The following PCDHA7 variants were observed in gnomAD, a reference collection of about 807,000 sequenced individuals.
The protein encoded by PCDHA7 is protocadherin alpha-7.
In PCDHA7, 37 loss-of-function variants were observed where a neutral mutation model predicts 57.2. That is an observed-to-expected ratio of 0.65 (90% CI 0.50 to 0.85). The LOEUF (loss-of-function observed/expected upper bound fraction) is 0.85, where lower values mean the gene tolerates loss of function less well. Ranked by LOEUF, PCDHA7 falls within the 40% of genes least tolerant of loss-of-function variation. The pLI is 0.00. For missense variants in PCDHA7, 1,188 were observed against 1,241.8 expected (o/e 0.96, Z 0.65); for synonymous variants, 553 against 558.8 (o/e 0.99, Z 0.15).
chr5:140,929,717 A>G (rs1408315390), intron 1 of PCDHA7: 1 of 229,936 alleles, frequency 4.3e-6, no homozygotes, highest in Non-Finnish European at 9.0e-6. Flanking sequence ...ATGGAAGGTG[A>G]AACATTTACT....
chr5:140,862,997 G>T, intron 1 of PCDHA7: 1 of 549,924 alleles, frequency 1.8e-6, no homozygotes, highest in Non-Finnish European at 3.6e-6. Context: ...GCGCACGGTG[G>T]ACTCCAGCTA....
chr5:140,887,221 C>G lies in PCDHA7; in HGVS notation c.2355+50483C>G, dbSNP rs149306651. ...ACGCCATTCTCCTGCCTCAGCCTCCCGAGTAGCTGAGACTACCGGCGCCCG... is the reference window on the plus strand; with the variant it reads ...ACGCCATTCTCCTGCCTCAGCCTCCGGAGTAGCTGAGACTACCGGCGCCCG... On this transcript the variant is annotated intron_variant, in intron 1 of 3. Transcript: ENST00000525929. Among the ~76,000 whole-genome samples, 1,413 of 151,972 alleles carry G rather than the reference C, an allele frequency of 9.3e-3. 17 individuals carry two copies. The highest frequency in any genetic ancestry group is 0.033 in the African/African-American group (1,349 of 41,450).
chr5:141,009,003 A>G (rs782499793), intron 3 of PCDHA7, among the ~76,000 whole-genome samples: 16 of 152,220 alleles, frequency 1.1e-4, no homozygotes, highest in Non-Finnish European at 1.5e-4. Flanking sequence ...AAAGGAGCAT[A>G]TTTTGCCTTT....
intron 1 of PCDHA7, chr5:140,926,589 G>T (rs929081687): frequency 1.7e-5 from 5 of 292,778 alleles, no homozygotes; most frequent in Non-Finnish European, 2.5e-5. Flanking sequence ...TCTCGCGCCC[G>T]GGCGGGCGGC....
At chr5:140,866,433 C>CTGAA (rs1217236180) in intron 1 of PCDHA7, 1 of 151,814 alleles carries the variant, frequency 6.6e-6, no homozygotes, top group Non-Finnish European at 1.5e-5. Context: ...GTCTTTCAGT[C>CTGAA]TTCTTCAGTC....
At chr5:140,876,141 AG>A in intron 1 of PCDHA7, 1 of 1,613,984 alleles carries the variant, frequency 6.2e-7, no homozygotes, top group Non-Finnish European at 8.5e-7. Context: ...CAGAACTAAC[AG>A]GGTCTGTCCA....
chr5:140,844,744 G>C (rs1779527366), intron 1 of PCDHA7, among the ~76,000 whole-genome samples: 1 of 149,016 alleles, frequency 6.7e-6, no homozygotes, highest in Non-Finnish European at 1.5e-5. Flanking sequence ...TAGTATTATG[G>C]GATAAATCTT....
intron 1 of PCDHA7, among the ~76,000 whole-genome samples, chr5:140,891,939 C>G (rs1475126639): frequency 3.3e-5 from 5 of 152,212 alleles, no homozygotes; most frequent in African/African-American, 1.2e-4. Flanking sequence ...TGGACTTCCC[C>G]TAGGCTCCAG....
At position 141,011,472 on chromosome 5, in the gene PCDHA7, C is replaced by T. The variant is rs1347341869; in HGVS notation, c.*1535C>T. 40 of 153,652 alleles carry T rather than the reference C, an allele frequency of 2.6e-4. No individual in the cohort carries two copies. The highest frequency in any genetic ancestry group is 9.4e-4 in the African/African-American group (39 of 41,410). 9.5% of individuals were successfully genotyped at this position (153,652 alleles called of 1,614,324 possible). On this transcript the variant is annotated 3_prime_UTR_variant, in exon 4 of 4. Transcript: ENST00000525929. Reference sequence around the variant, plus strand: ...TAAGCTTTATTGTTGAATGTAATTCCATTATATTTCCTTTTGTACACCTGT... The same window carrying T: ...TAAGCTTTATTGTTGAATGTAATTCTATTATATTTCCTTTTGTACACCTGT...
intron 1 of PCDHA7, chr5:140,929,631 A>G (rs1584645197): frequency 2.6e-6 from 1 of 386,808 alleles, no homozygotes; most frequent in Non-Finnish European, 4.7e-6. Flanking sequence ...TTTATAAGCA[A>G]CAGATGTGTA....
chr5:140,851,949 A>T, intron 1 of PCDHA7: 1 of 974,358 alleles, frequency 1.0e-6, no homozygotes, highest in Non-Finnish European at 1.2e-6. Context: ...TGTGACTTTC[A>T]AAATGGTGGT....
At chr5:140,966,505 A>C (rs2096011889) in intron 1 of PCDHA7, 2 of 427,984 alleles carry the variant, frequency 4.7e-6, no homozygotes, top group Non-Finnish European at 8.1e-6. Context: ...CTGTAGCGGC[A>C]GCAGCAGCAG....
In PCDHA7 at chr5:140,834,721, C is replaced by T. The variant is rs2150224932; in HGVS notation, c.338C>T (p.Pro113Leu). ...SIHLEVIVER[P>L]LQVFHVDVEV... The stretch of plus-strand genomic sequence containing the variant: ...CACCTGGAGGTGATCGTGGAAAGGC[C>T]GCTGCAGGTTTTCCATGTGGACGTG... Residue 113 changes from proline (P) to leucine (L), a missense_variant, in exon 1 of 4, where the codon CCG becomes CTG. This residue lies in a region of PCDHA7 where 194 missense variants were observed against 185.8 expected (regional missense o/e 1.04). Coordinates refer to ENST00000525929, the MANE Select transcript of PCDHA7 (RefSeq NM_018910.3). 2 of 1,614,104 alleles carry T rather than the reference C, an allele frequency of 1.2e-6. No individual in the cohort carries two copies. Among genetic ancestry groups the T allele is most frequent in the African/African-American group, 2.7e-5 (2 of 74,932 alleles).
At chr5:140,944,053 A>G (rs246065) in intron 1 of PCDHA7, among the ~76,000 whole-genome samples, 85,768 of 152,016 alleles carry the variant, frequency 0.56, 24,809 homozygotes, top group African/African-American at 0.69. Context: ...TTGGGATACA[A>G]AAAGGTTTCT....
intron 3 of PCDHA7, among the ~76,000 whole-genome samples, chr5:140,993,956 C>T (rs2097588909): frequency 6.6e-6 from 1 of 152,140 alleles, no homozygotes; most frequent in Admixed American, 6.5e-5. Flanking sequence ...TGATACATGA[C>T]TGTAGTCATC....
chr5:140,876,146 C>T, intron 1 of PCDHA7: 1 of 1,613,952 alleles, frequency 6.2e-7, no homozygotes, highest in Non-Finnish European at 8.5e-7. Context: ...CTAACAGGGT[C>T]TGTCCAGATT....
At chr5:140,995,087 C>T (rs1482673933) in intron 3 of PCDHA7, among the ~76,000 whole-genome samples, 1 of 152,222 alleles carries the variant, frequency 6.6e-6, no homozygotes, top group Non-Finnish European at 1.5e-5. Flanking sequence ...CCAAACTTAT[C>T]TGTGGAGATA....
intron 1 of PCDHA7, chr5:140,856,399 T>A: frequency 6.3e-7 from 1 of 1,598,492 alleles, no homozygotes; most frequent in Admixed American, 1.7e-5. Flanking sequence ...AGGTTTTCCA[T>A]GTGGACGTGG....
At chr5:140,876,859 T>A in intron 1 of PCDHA7, 1 of 1,614,068 alleles carries the variant, frequency 6.2e-7, no homozygotes, top group Non-Finnish European at 8.5e-7. Flanking sequence ...GTACACAGTG[T>A]TCGTGAAGGA....
Sources: gnomAD v4.1 joint callset for allele counts (sites outside exome capture counted in the v4.1 genomes callset) on GRCh38, gnomAD v4.1.1 for gene constraint, gnomAD v4.1.1 regional missense constraint, MANE v1.5 for transcripts, NCBI Gene and HGNC (gene_info 2026-07-23, HGNC 2026-07-21) for gene names.